The following ADCY9 variants were observed in gnomAD, a reference collection of about 807,000 sequenced individuals.
The protein encoded by ADCY9 is adenylate cyclase type 9.
A neutral mutation model predicts 101.5 loss-of-function variants in ADCY9; 50 were observed. That is an observed-to-expected ratio of 0.49 (90% CI 0.39 to 0.62). The LOEUF is 0.62. Ranked by LOEUF, ADCY9 falls within the 20% of genes least tolerant of loss-of-function variation. The probability of loss-of-function intolerance (pLI) is 0.00; values close to 1 mark genes in which losing one functional copy is unlikely to be tolerated. For missense variants in ADCY9, 1,662 were observed against 1,800.4 expected, an observed-to-expected ratio of 0.92 and a Z score of 1.39; for synonymous variants, 905 against 769.3, an observed-to-expected ratio of 1.18 and a Z score of -2.92.
chr16:3,969,614 T>TATACGTA (rs1567414929), intron 10 of ADCY9, among the ~76,000 whole-genome samples: 740 of 50,676 alleles, frequency 0.015, 62 homozygotes, highest in African/African-American at 0.046. Flanking sequence ...ATATATGTAT[T>TATACGTA]TTTTTTTTTT....
Position 3,965,938 on chromosome 16 carries a change from T to C in ADCY9, c.3899A>G (p.Gln1300Arg), listed in dbSNP as rs368305972. Residue 1300 changes from glutamine to arginine, a missense_variant, in exon 11 of 11, where the codon CAG becomes CGG. Coordinates refer to ENST00000294016, the MANE Select transcript of ADCY9 (RefSeq NM_001116.4). ...KTSLGSDSST[Q>R]AKDAHLSPKR... ...GGGGGACAGGTGGGCATCCTTGGCC[T>C]GCGTGCTGCTGTCAGAACCCAGAGA... 22 of 1,614,090 alleles carry C rather than the reference T, an allele frequency of 1.4e-5. No individual in the cohort carries two copies. Among genetic ancestry groups the C allele is most frequent in the Non-Finnish European group, 1.7e-5 (20 of 1,180,054 alleles).
chr16:4,054,060 A>G (rs1469140568), intron 2 of ADCY9: 1 of 151,770 alleles, frequency 6.6e-6, no homozygotes, highest in Admixed American at 6.6e-5. Flanking sequence ...TATTTTTCTA[A>G]TGCATGTGTC....
downstream of ADCY9, among the ~76,000 whole-genome samples, chr16:3,959,136 G>A (rs1369757071): frequency 2.0e-5 from 3 of 152,110 alleles, no homozygotes; most frequent in Non-Finnish European, 4.4e-5. Flanking sequence ...TGAGGTGGAT[G>A]GATCACTTGA....
At chr16:4,085,792 C>T (rs746829843) in intron 2 of ADCY9, among the ~76,000 whole-genome samples, 2 of 151,968 alleles carry the variant, frequency 1.3e-5, no homozygotes, top group Non-Finnish European at 2.9e-5. Context: ...GGGTGGGGCC[C>T]AGACGTCTGT....
chr16:4,113,692 TAA>T, intron 2 of ADCY9, 56 bp downstream of exon 2: 6 of 1,530,590 alleles, frequency 3.9e-6, no homozygotes, highest in Admixed American at 4.3e-5. Flanking sequence ...CTTTTTTTTT[TAA>T]TTTAATACAA....
intron 2 of ADCY9, chr16:4,015,582 A>G (rs1967309): frequency 0.51 from 77,345 of 151,982 alleles, 20,763 homozygotes; most frequent in Non-Finnish European, 0.59. Flanking sequence ...GATCTGGGCT[A>G]AGGGTTGAAA....
intron 2 of ADCY9, among the ~76,000 whole-genome samples, chr16:4,112,235 T>C (rs542272284): frequency 9.8e-4 from 149 of 152,340 alleles, no homozygotes; most frequent in African/African-American, 3.4e-3. Context: ...AAGACACTCA[T>C]CACGGCAGCA....
rs1275500759 is a variant in ADCY9 at position 3,963,606 on chromosome 16, G to C, written c.*2169C>G. On this transcript the variant is annotated 3_prime_UTR_variant, in exon 11 of 11. Coordinates refer to ENST00000294016, the MANE Select transcript of ADCY9 (RefSeq NM_001116.4). Reference sequence around the variant, plus strand: ...GTGAGGAATCACAAACACCTTTGTGGTTGGGGAAGGAAATGGGCTTGATGG... The same window carrying C: ...GTGAGGAATCACAAACACCTTTGTGCTTGGGGAAGGAAATGGGCTTGATGG... The C allele has an allele frequency of 1.1e-5, 4 of 357,350 alleles. No individual in the cohort carries two copies. In the Admixed American group the frequency reaches 1.4e-4, roughly 13 times the overall value. The allele number at this position is 357,350 out of a possible 1,614,324, so 22.1% of individuals were successfully genotyped here.
chr16:3,997,567 G>A (rs1000967130), intron 3 of ADCY9, among the ~76,000 whole-genome samples: 1 of 152,262 alleles, frequency 6.6e-6, no homozygotes, highest in African/African-American at 2.4e-5. Flanking sequence ...TGCGCTTGCA[G>A]AAGGAAGGGG....
chr16:4,027,739 T>C (rs1051922210), intron 2 of ADCY9, among the ~76,000 whole-genome samples: 1 of 152,064 alleles, frequency 6.6e-6, no homozygotes, highest in East Asian at 1.9e-4. Context: ...TAGCTGGGTG[T>C]GGTGGTCCAT....
intron 2 of ADCY9, among the ~76,000 whole-genome samples, chr16:4,069,644 T>C (rs780760882): frequency 3.9e-5 from 6 of 152,208 alleles, no homozygotes; most frequent in Non-Finnish European, 7.3e-5. Flanking sequence ...ATTCGTATCA[T>C]TGAGTAAATT....
intron 5 of ADCY9, among the ~76,000 whole-genome samples, chr16:3,955,558 G>A (rs1165165010): frequency 6.6e-6 from 1 of 152,078 alleles, no homozygotes; most frequent in Non-Finnish European, 1.5e-5. Context: ...TTGTTTGTTT[G>A]TTTTAGACGG....
chr16:4,012,705 A>G (rs2056412228), intron 2 of ADCY9, among the ~76,000 whole-genome samples: 1 of 152,280 alleles, frequency 6.6e-6, no homozygotes, highest in South Asian at 2.1e-4. Flanking sequence ...AGGTTAACGC[A>G]GTTAACGTTC....
intron 2 of ADCY9, among the ~76,000 whole-genome samples, chr16:4,105,611 C>T (rs1203056308): frequency 1.4e-5 from 2 of 146,846 alleles, no homozygotes; most frequent in Non-Finnish European, 3.0e-5. Context: ...ACCCAGGAGG[C>T]AGAGGTTGCA....
intron 2 of ADCY9, among the ~76,000 whole-genome samples, chr16:4,049,909 T>C (rs1438275876): frequency 2.0e-5 from 3 of 152,086 alleles, no homozygotes; most frequent in Non-Finnish European, 1.5e-5. Flanking sequence ...TGTACACCTG[T>C]AGTCCCTGCT....
chr16:3,979,286 C>T lies in ADCY9; in HGVS notation c.2520-11G>A. On this transcript the variant is annotated splice_polypyrimidine_tract_variant and intron_variant, in intron 7 of 10. Coordinates refer to ENST00000294016, the MANE Select transcript of ADCY9 (RefSeq NM_001116.4). ...AGGAAGAACACCATCCTGCGAGAGG[C>T]ATGGGGGTTAGCAGGAGCGACGGGG... 6.2e-7 allele frequency: 1 copy of T among 1,613,268 alleles called. No individual in the cohort carries two copies. The highest frequency in any genetic ancestry group is 8.5e-7 in the Non-Finnish European group (1 of 1,179,740).
At position 4,097,553 on chromosome 16, in the gene ADCY9, A is replaced by ATATATATATATATATATATATTTTT. The variant is rs1382458827; in HGVS notation, c.1693+16196_1693+16197insAAAAATATATATATATATATATATA. The stretch of plus-strand genomic sequence containing the variant: ...CATATATATATATATATATATATAT[A>ATATATATATATATATATATATTTTT]TTTTTTTTTTTTTTTTTTAAGACAG... On this transcript the variant is annotated intron_variant, in intron 2 of 10. Coordinates refer to ENST00000294016, the MANE Select transcript of ADCY9 (RefSeq NM_001116.4). 3.7e-5 allele frequency among the ~76,000 whole-genome samples: 2 copies of ATATATATATATATATATATATTTTT among 53,416 alleles called. 1 individual carries two copies. The highest frequency in any genetic ancestry group is 1.7e-4 in the African/African-American group (2 of 11,588). 35.0% of individuals were successfully genotyped at this position (53,416 alleles called of 152,430 possible). A position where few individuals can be genotyped will look rare whatever the true frequency, so the allele number is the denominator to read the frequency against.
At chr16:4,096,399 A>G (rs985136152) in intron 2 of ADCY9, among the ~76,000 whole-genome samples, 1 of 152,246 alleles carries the variant, frequency 6.6e-6, no homozygotes, top group African/African-American at 2.4e-5. Flanking sequence ...TTATTTGCCC[A>G]AAAGTGCTTG....
intron 2 of ADCY9, among the ~76,000 whole-genome samples, chr16:4,034,306 C>T (rs2056575548): frequency 6.6e-6 from 1 of 152,206 alleles, no homozygotes; most frequent in African/African-American, 2.4e-5. Context: ...TACTTAACTT[C>T]CAAATCAAGT....
Sources: gnomAD v4.1 joint callset for allele counts (sites outside exome capture counted in the v4.1 genomes callset) on GRCh38, gnomAD v4.1.1 for gene constraint, MANE v1.5 for transcripts, NCBI Gene and HGNC (gene_info 2026-07-23, HGNC 2026-07-21) for gene names.